The following SMURF1 variants were observed in gnomAD, a reference collection of about 807,000 sequenced individuals.
SMURF1 encodes SMAD specific E3 ubiquitin protein ligase 1.
In SMURF1, 44 loss-of-function variants were observed where a neutral mutation model predicts 98.0. The ratio of observed to expected loss-of-function variants is 0.45; its 90% CI spans 0.35 to 0.58. The LOEUF is 0.58. Ranked by LOEUF, SMURF1 falls within the 20% of genes least tolerant of loss-of-function variation. The probability of loss-of-function intolerance (pLI) is 0.00; values close to 1 mark genes in which losing one functional copy is unlikely to be tolerated. For missense variants in SMURF1, 687 were observed against 938.4 expected, an observed-to-expected ratio of 0.73 and a Z score of 3.50; for synonymous variants, 396 against 374.9, an observed-to-expected ratio of 1.06 and a Z score of -0.65.
chr7:99,027,973 G>A lies in SMURF1; in HGVS notation c.*2611C>T, dbSNP rs540038026. The A allele has an allele frequency of 2.8e-4, 43 of 152,730 alleles. No homozygotes were observed. Among genetic ancestry groups the A allele is most frequent in the African/African-American group, 8.9e-4 (37 of 41,562 alleles). 9.5% of individuals were successfully genotyped at this position (152,730 alleles called of 1,614,324 possible). A position where few individuals can be genotyped will look rare whatever the true frequency, so the allele number is the denominator to read the frequency against. Reference sequence around the variant, plus strand: ...GAGAGAGCCCTTTTCCGGTCGCCCCGGGCCTCCCAGGCAGCCTCAGCTCTT... The same window carrying A: ...GAGAGAGCCCTTTTCCGGTCGCCCCAGGCCTCCCAGGCAGCCTCAGCTCTT... On this transcript the variant is annotated 3_prime_UTR_variant, in exon 18 of 18. Coordinates refer to ENST00000361368, the MANE Select transcript of SMURF1 (RefSeq NM_181349.3).
At chr7:99,044,927 G>C (rs145189004) in intron 11 of SMURF1, among the ~76,000 whole-genome samples, 1 of 152,312 alleles carries the variant, frequency 6.6e-6, no homozygotes, top group African/African-American at 2.4e-5. Context: ...CTTGAGCCCA[G>C]GAGTTTGAGA....
chr7:99,103,984 C>A (rs928220225), intron 1 of SMURF1, among the ~76,000 whole-genome samples: 4 of 151,936 alleles, frequency 2.6e-5, no homozygotes, highest in African/African-American at 9.7e-5. Flanking sequence ...CCTCTGCCTC[C>A]CGGGTTCAAG....
At chr7:99,122,745 C>CTTTTTTTTTTTTTTT (rs373204946) in intron 1 of SMURF1, among the ~76,000 whole-genome samples, 1 of 112,394 alleles carries the variant, frequency 8.9e-6, no homozygotes, top group Non-Finnish European at 1.7e-5. Context: ...TTCTTTCTTT[C>CTTTTTTTTTTTTTTT]TTTTTTTTTT....
intron 1 of SMURF1, among the ~76,000 whole-genome samples, chr7:99,100,899 T>C (rs1429468998): frequency 6.6e-6 from 1 of 152,150 alleles, no homozygotes; most frequent in African/African-American, 2.4e-5. Flanking sequence ...AAATTTTAAA[T>C]CCAAAGCCGA....
intron 1 of SMURF1, among the ~76,000 whole-genome samples, chr7:99,068,768 T>A (rs929983800): frequency 7.2e-5 from 11 of 152,196 alleles, no homozygotes; most frequent in African/African-American, 2.7e-4. Context: ...TCCCCATTAT[T>A]CCTCATGGTA....
At chr7:99,040,902 G>A (rs1267568885) in intron 12 of SMURF1, among the ~76,000 whole-genome samples, 5 of 152,032 alleles carry the variant, frequency 3.3e-5, no homozygotes, top group Admixed American at 6.6e-5. Flanking sequence ...GCAGGGCCTC[G>A]GCACCATGCT....
intron 1 of SMURF1, among the ~76,000 whole-genome samples, chr7:99,077,896 C>T (rs1276504108): frequency 6.6e-6 from 1 of 152,136 alleles, no homozygotes; most frequent in African/African-American, 2.4e-5. Flanking sequence ...AATTAATTCA[C>T]AAATAAAACA....
chr7:99,121,698 G>A, intron 1 of SMURF1, among the ~76,000 whole-genome samples: 1 of 152,146 alleles, frequency 6.6e-6, no homozygotes. Flanking sequence ...TTCCCAAGAG[G>A]TCTCTTTTCA....
At position 99,118,866 on chromosome 7, in the gene SMURF1, C is replaced by G. The variant is rs71567521; in HGVS notation, c.55+24860G>C. On this transcript the variant is annotated intron_variant, in intron 1 of 17. Coordinates refer to ENST00000361368, the MANE Select transcript of SMURF1 (RefSeq NM_181349.3). The stretch of plus-strand genomic sequence containing the variant: ...TCTCTAAGATAGTTCCTATTTATTT[C>G]TGCATTGTTATTTTTAGACAGGGTC... Among the ~76,000 whole-genome samples the G allele has an allele frequency of 2.4e-3, 364 of 151,974 alleles. 1 individual carries two copies. The highest frequency in any genetic ancestry group is 7.4e-3 in the African/African-American group (305 of 41,434).
chr7:99,050,313 T>A (rs894377762), intron 8 of SMURF1: 1 of 152,744 alleles, frequency 6.5e-6, no homozygotes, highest in African/African-American at 2.4e-5. Context: ...TAGTAGGAAG[T>A]ATCTTAGTGC....
Position 99,143,890 on chromosome 7 carries a change from G to C in SMURF1, c.-110C>G. On this transcript the variant is annotated 5_prime_UTR_variant, in exon 1 of 18. Coordinates refer to ENST00000361368, the MANE Select transcript of SMURF1 (RefSeq NM_181349.3). ...GGTTACGGCTCCGGGCTGGGCGCCG[G>C]GGTCCGAGCCGGGACACAAACTCCG... 2.9e-6 allele frequency: 3 copies of C among 1,029,352 alleles called. No homozygotes were observed. Among genetic ancestry groups the C allele is most frequent in the Non-Finnish European group, 3.9e-6 (3 of 766,956 alleles). 63.8% of individuals were successfully genotyped at this position (1,029,352 alleles called of 1,614,324 possible).
chr7:99,072,829 C>T (rs187217718), intron 1 of SMURF1, among the ~76,000 whole-genome samples: 37 of 152,212 alleles, frequency 2.4e-4, no homozygotes, highest in Middle Eastern at 3.4e-3. Flanking sequence ...AAGTATTTAA[C>T]GGTATTATTT....
intron 12 of SMURF1, 107 bp downstream of exon 12, chr7:99,042,011 T>C (rs1245928674): frequency 2.3e-6 from 2 of 887,756 alleles, no homozygotes; most frequent in Admixed American, 4.7e-5. Flanking sequence ...TACCACTGTC[T>C]TTGATTAAGT....
intron 1 of SMURF1, among the ~76,000 whole-genome samples, chr7:99,132,099 G>A (rs1436998695): frequency 6.6e-6 from 1 of 152,124 alleles, no homozygotes; most frequent in East Asian, 1.9e-4. Context: ...TCAAGCCCCT[G>A]GAATGGCCCA....
At chr7:99,059,070 C>T (rs1180565023) in intron 3 of SMURF1, among the ~76,000 whole-genome samples, 2 of 151,762 alleles carry the variant, frequency 1.3e-5, no homozygotes, top group South Asian at 2.1e-4. Context: ...GGCAACAGAG[C>T]GAGACTCTGT....
At chr7:99,126,942 G>A (rs990865314) in intron 1 of SMURF1, among the ~76,000 whole-genome samples, 1 of 144,602 alleles carries the variant, frequency 6.9e-6, no homozygotes, top group Admixed American at 7.1e-5. Flanking sequence ...GCTCAACTAC[G>A]TGTTCAGCAT....
chr7:99,035,328 C>A, intron 16 of SMURF1, 187 bp downstream of exon 16: 1 of 749,748 alleles, frequency 1.3e-6, no homozygotes, highest in Non-Finnish European at 2.1e-6. Context: ...CGGGGCCCCA[C>A]ACCTGCTCAC....
At position 99,061,144 on chromosome 7, in the gene SMURF1, G is replaced by A. The variant is rs963801726; in HGVS notation, c.95-437C>T. Among the ~76,000 whole-genome samples, 7 of 152,194 alleles carry A rather than the reference G, an allele frequency of 4.6e-5. No individual in the cohort carries two copies. In the East Asian group the frequency reaches 1.3e-3, roughly 29 times the overall value. On this transcript the variant is annotated intron_variant, in intron 2 of 17. Coordinates refer to ENST00000361368, the MANE Select transcript of SMURF1 (RefSeq NM_181349.3). ...GATCAGACAGGTGGCAAAGTGGACA[G>A]TTGTCAGAGATAGAGATGGACACGA...
chr7:99,100,371 A>G (rs140788842), intron 1 of SMURF1, among the ~76,000 whole-genome samples: 7,080 of 152,274 alleles, frequency 0.046, 541 homozygotes, highest in African/African-American at 0.16. Flanking sequence ...CCTGGCCAAC[A>G]TGGTGAAACC....
Sources: allele counts gnomAD v4.1 joint callset (sites outside exome capture counted in the v4.1 genomes callset), GRCh38; gene constraint gnomAD v4.1.1; transcripts MANE v1.5; gene names NCBI Gene and HGNC (gene_info 2026-07-23, HGNC 2026-07-21).